Variants in COBLL1 observed in about 807,000 individuals in gnomAD.
COBLL1 encodes the protein cordon-bleu protein-like 1.
Under a neutral mutation model 94.8 loss-of-function variants are expected in COBLL1, and 50 were observed. The ratio of observed to expected loss-of-function variants is 0.53; its 90% confidence interval spans 0.42 to 0.67. COBLL1 has a LOEUF of 0.67. Among genes scored for constraint, COBLL1 ranks in the 30% least tolerant of loss-of-function variants. The probability of loss-of-function intolerance (pLI) is 0.00; values close to 1 mark genes in which losing one functional copy is unlikely to be tolerated. For synonymous variants in COBLL1, 448 were observed against 473.8 expected (o/e 0.95, Z 0.71); for missense variants, 1,362 against 1,348.7 (o/e 1.01, Z -0.15).
chr2:164,777,449 C>T (rs1029908746), intron 2 of COBLL1, among the ~76,000 whole-genome samples: 3 of 151,998 alleles, frequency 2.0e-5, no homozygotes, highest in Non-Finnish European at 4.4e-5. Context: ...AAGGATGCTG[C>T]CTGCCCTAAG....
rs1683777977 is a variant in COBLL1, at chr2:164,694,319, G to A, written c.3073C>T (p.His1025Tyr). The A allele has an allele frequency of 6.2e-7, 1 of 1,613,884 alleles. No homozygotes were observed. The highest frequency in any genetic ancestry group is 2.2e-5 in the East Asian group (1 of 44,878). ...ATGTCCACAAATTTATTTACAGAAT[G>A]AGTCTTCCCTTCCTCTGTGTTGGCT... ...PPANTEEGKT[H>Y]SVNKFVDIPQ... Residue 1025 changes from histidine to tyrosine, a missense_variant, in exon 12 of 14, where the codon CAT becomes TAT. Transcript: ENST00000652658.
At chr2:164,837,367 C>T in intron 2 of COBLL1, 1 of 430,956 alleles carries the variant, frequency 2.3e-6, no homozygotes, top group Non-Finnish European at 4.7e-6. Context: ...TTACTAAGTA[C>T]TAATATAGAA....
chr2:164,709,609 T>C lies in COBLL1; in HGVS notation c.997-4504A>G, dbSNP rs543733584. On this transcript the variant is annotated intron_variant, in intron 7 of 13. Coordinates refer to ENST00000652658, the MANE Select transcript of COBLL1 (RefSeq NM_001365672.2). ...GGTGTGTGCCTGTAATCCCAGCTAC[T>C]TGGGAGGCTGAGGCAGAAGAATCGC... Among the ~76,000 whole-genome samples, 22 of 152,134 alleles carry C rather than the reference T, an allele frequency of 1.4e-4. No homozygotes were observed. In the South Asian group the frequency reaches 4.4e-3, roughly 30 times the overall value.
At chr2:164,728,325 T>G in intron 4 of COBLL1, 128 bp from the exon 5 acceptor site, 1 of 586,210 alleles carries the variant, frequency 1.7e-6, no homozygotes, top group Non-Finnish European at 2.9e-6. Context: ...TCCTATTTGG[T>G]GTGAAATTCT....
chr2:164,792,516 C>A (rs1226755546), intron 2 of COBLL1, among the ~76,000 whole-genome samples: 2 of 152,094 alleles, frequency 1.3e-5, no homozygotes, highest in Non-Finnish European at 1.5e-5. Flanking sequence ...TAAGAAATAA[C>A]TCAAGTTCAA....
At chr2:164,771,268 C>A (rs924819515) in intron 2 of COBLL1, among the ~76,000 whole-genome samples, 1 of 151,966 alleles carries the variant, frequency 6.6e-6, no homozygotes, top group African/African-American at 2.4e-5. Context: ...CAGTATGACA[C>A]TTTGAAAATC....
intron 2 of COBLL1, among the ~76,000 whole-genome samples, chr2:164,799,267 A>G (rs1683640041): frequency 6.6e-6 from 1 of 152,188 alleles, no homozygotes; most frequent in Non-Finnish European, 1.5e-5. Flanking sequence ...AAGGCCAAGT[A>G]AAGAGAAGGG....
Position 164,841,228 on chromosome 2 carries a change from C to T in COBLL1, c.-32G>A. 5.7e-6 allele frequency: 7 copies of T among 1,230,620 alleles called. No individual in the cohort carries two copies. The highest frequency in any genetic ancestry group is 7.1e-6 in the Non-Finnish European group (7 of 988,086). 76.2% of individuals were successfully genotyped at this position (1,230,620 alleles called of 1,614,324 possible). A position where few individuals can be genotyped will look rare whatever the true frequency, so the allele number is the denominator to read the frequency against. On this transcript the variant is annotated 5_prime_UTR_variant, in exon 2 of 14. Transcript: ENST00000652658. The surrounding 1 kb of genome is among the most constrained non-coding windows in gnomAD (Gnocchi z 5.5). The stretch of plus-strand genomic sequence containing the variant: ...GCGGGGCGCTGCGCGGGCTCCAGCT[C>T]CCAGGCGGCGCGTCACTGCTGGGGT...
Position 164,807,000 on chromosome 2 carries a change from C to T in COBLL1, c.41+34156G>A, listed in dbSNP as rs751361129. ...GGATTATAGCGTGAGCCACCATGGC[C>T]GGCCTATATTTCTTCTAGAAACTCA... On this transcript the variant is annotated intron_variant, in intron 2 of 13. Transcript: ENST00000652658. Among the ~76,000 whole-genome samples, 14 of 152,138 alleles carry T rather than the reference C, an allele frequency of 9.2e-5. No homozygotes were observed. In the South Asian group the frequency reaches 1.0e-3, roughly 11 times the overall value.
intron 2 of COBLL1, among the ~76,000 whole-genome samples, chr2:164,787,021 C>T (rs1196042285): frequency 2.6e-5 from 4 of 152,150 alleles, no homozygotes; most frequent in African/African-American, 9.7e-5. Context: ...AGTTCATTAA[C>T]AACCATTCCT....
chr2:164,780,227 G>C (rs1205438592), intron 2 of COBLL1, among the ~76,000 whole-genome samples: 1 of 152,062 alleles, frequency 6.6e-6, no homozygotes, highest in East Asian at 1.9e-4. Flanking sequence ...CCACTAAGGG[G>C]ACTGTTGTAA....
At chr2:164,717,608 C>G (rs1179286921) in intron 7 of COBLL1, among the ~76,000 whole-genome samples, 1 of 152,182 alleles carries the variant, frequency 6.6e-6, no homozygotes, top group Admixed American at 6.5e-5. Flanking sequence ...GGCCGGAGTG[C>G]AGTGGTGAGA....
At chr2:164,662,975 A>C (rs1691095758) in intron 2 of COBLL1, among the ~76,000 whole-genome samples, 1 of 152,192 alleles carries the variant, frequency 6.6e-6, no homozygotes, top group South Asian at 2.1e-4. Flanking sequence ...TAGCAATGCA[A>C]GAACAGCCTA....
rs1683604393 is a variant in COBLL1 at position 164,841,360 on chromosome 2, C to T, written c.-50-114G>A. 8.4e-7 allele frequency: 1 copy of T among 1,190,426 alleles called. No individual in the cohort carries two copies. The highest frequency in any genetic ancestry group is 1.0e-6 in the Non-Finnish European group (1 of 961,720). The allele number at this position is 1,190,426 out of a possible 1,614,324, so 73.7% of individuals were successfully genotyped here. On this transcript the variant is annotated intron_variant, in intron 1 of 13. Transcript: ENST00000652658. This position sits in a 1 kb window ranked among gnomAD's most constrained non-coding sequence, Gnocchi z 5.5. ...AGCCGCTCCAGCCCCGGCCGGCCCGCCTCCCGGGTGCGCTTCCACCTGCGG... is the reference window on the plus strand; with the variant it reads ...AGCCGCTCCAGCCCCGGCCGGCCCGTCTCCCGGGTGCGCTTCCACCTGCGG...
At chr2:164,672,381 G>C (rs1252172344) in intron 1 of COBLL1, among the ~76,000 whole-genome samples, 1 of 152,132 alleles carries the variant, frequency 6.6e-6, no homozygotes, top group Non-Finnish European at 1.5e-5. Context: ...AGAAAGGAGA[G>C]GGTTTTTTTC....
chr2:164,814,436 A>G (rs1684614695), intron 2 of COBLL1, among the ~76,000 whole-genome samples: 1 of 152,194 alleles, frequency 6.6e-6, no homozygotes, highest in African/African-American at 2.4e-5. Context: ...TCTCTGAGGA[A>G]GGCATTGGGT....
intron 2 of COBLL1, among the ~76,000 whole-genome samples, chr2:164,784,385 G>A (rs1441539496): frequency 6.6e-6 from 1 of 151,994 alleles, no homozygotes; most frequent in Admixed American, 6.6e-5. Flanking sequence ...TAAATTTTAA[G>A]TTCATTTCTT....
intron 9 of COBLL1, 40 bp downstream of exon 9, chr2:164,704,403 CT>C (rs35238666): frequency 2.3e-6 from 3 of 1,295,110 alleles, no homozygotes; most frequent in Non-Finnish European, 3.4e-6. Flanking sequence ...CATGGACGTC[CT>C]TTTTCAGTAA....
chr2:164,742,055 C>T (rs960518164), intron 3 of COBLL1, among the ~76,000 whole-genome samples: 3 of 151,990 alleles, frequency 2.0e-5, no homozygotes, highest in African/African-American at 4.8e-5. Context: ...CCATGGATCT[C>T]GGTTTCCAGA....
Sources: gnomAD v4.1 joint callset for allele counts (sites outside exome capture counted in the v4.1 genomes callset) on GRCh38, gnomAD v4.1.1 for gene constraint, Gnocchi (gnomAD v3.1) non-coding constraint, MANE v1.5 for transcripts, NCBI Gene and HGNC (gene_info 2026-07-23, HGNC 2026-07-21) for gene names.